Variants in ABHD17C observed in about 807,000 individuals in gnomAD.
ABHD17C encodes the protein alpha/beta hydrolase domain-containing protein 17C.
Under a neutral mutation model 27.9 loss-of-function variants are expected in ABHD17C, and 11 were observed. That is an observed-to-expected ratio of 0.39 (90% CI 0.25 to 0.65). The LOEUF is 0.65. Among genes scored for constraint, ABHD17C ranks in the 30% least tolerant of loss-of-function variants. The probability of loss-of-function intolerance (pLI) is 0.45; values close to 1 mark genes in which losing one functional copy is unlikely to be tolerated. For missense variants in ABHD17C, 280 were observed against 470.2 expected, an observed-to-expected ratio of 0.60 and a Z score of 3.74; for synonymous variants, 233 against 209.1, an observed-to-expected ratio of 1.11 and a Z score of -0.98.
At chr15:80,740,780 A>G (rs1255469235) in intron 1 of ABHD17C, among the ~76,000 whole-genome samples, 1 of 152,218 alleles carries the variant, frequency 6.6e-6, no homozygotes, top group Non-Finnish European at 1.5e-5. Context: ...CCAGCTGTAC[A>G]GTCCTAGACT....
chr15:80,738,685 T>C (rs72736191), intron 1 of ABHD17C, among the ~76,000 whole-genome samples: 8,510 of 152,090 alleles, frequency 0.056, 324 homozygotes, highest in Middle Eastern at 0.1. Flanking sequence ...GGCATGGTGA[T>C]TGATAGAAAC....
chr15:80,734,920 C>G (rs528214084), intron 1 of ABHD17C, among the ~76,000 whole-genome samples: 44 of 152,258 alleles, frequency 2.9e-4, no homozygotes, highest in Non-Finnish European at 5.1e-4. Flanking sequence ...TATTTCACCA[C>G]ACCAAGCCCT....
Position 80,695,817 on chromosome 15 carries a change from T to A in ABHD17C, c.388T>A (p.Ser130Thr), listed in dbSNP as rs780928658. The A allele has an allele frequency of 1.3e-6, 2 of 1,568,642 alleles. No individual in the cohort carries two copies. The highest frequency in any genetic ancestry group is 1.7e-6 in the Non-Finnish European group (2 of 1,166,946). ...CTGCATGTTCGTGCGCTGCGCGCCC[T>A]CCAGCCGCTACACGCTGCTCTTCTC... is the stretch of plus-strand genomic sequence containing the variant. ...LGCMFVRCAP[S>T]SRYTLLFSHG... Residue 130 changes from serine (S) to threonine (T), a missense_variant, in exon 1 of 3, where the codon TCC becomes ACC. Physicochemically the swap from Ser to Thr is moderately conservative, Grantham distance 58 (BLOSUM62 1). Around this residue, in one of 2 missense-constraint regions of ABHD17C, gnomAD observed 206 missense variants for 394.7 expected, o/e 0.52. Coordinates refer to ENST00000258884, the MANE Select transcript of ABHD17C (RefSeq NM_021214.2). This position sits in a 1 kb window ranked among gnomAD's most constrained non-coding sequence, Gnocchi z 4.3.
At chr15:80,716,473 CT>C (rs1233184547) in intron 1 of ABHD17C, among the ~76,000 whole-genome samples, 1 of 152,150 alleles carries the variant, frequency 6.6e-6, no homozygotes, top group East Asian at 1.9e-4. Context: ...AAGAAGTTCC[CT>C]TTAACCCTAA....
At chr15:80,751,275 G>T (rs1895361827) in intron 2 of ABHD17C, among the ~76,000 whole-genome samples, 1 of 151,978 alleles carries the variant, frequency 6.6e-6, no homozygotes, top group Non-Finnish European at 1.5e-5. Flanking sequence ...CATAAGAATT[G>T]CTTGAACCCA....
At chr15:80,737,624 C>T (rs1041278322) in intron 1 of ABHD17C, among the ~76,000 whole-genome samples, 1 of 152,102 alleles carries the variant, frequency 6.6e-6, no homozygotes, top group African/African-American at 2.4e-5. Context: ...TAAACACATC[C>T]ACCTTCCTGT....
At chr15:80,710,767 G>A (rs1894718427) in intron 1 of ABHD17C, among the ~76,000 whole-genome samples, 2 of 151,828 alleles carry the variant, frequency 1.3e-5, no homozygotes, top group Admixed American at 6.6e-5. Context: ...GTGGAGATGG[G>A]GTCTCACTAT....
chr15:80,708,323 G>GT (rs113398807), intron 1 of ABHD17C, among the ~76,000 whole-genome samples: 11 of 115,526 alleles, frequency 9.5e-5, no homozygotes, highest in South Asian at 2.6e-4. Flanking sequence ...GTTTTGTTTT[G>GT]TTTGTTTTTC....
At chr15:80,726,849 T>C (rs1258954255) in intron 1 of ABHD17C, among the ~76,000 whole-genome samples, 1 of 152,200 alleles carries the variant, frequency 6.6e-6, no homozygotes, top group Non-Finnish European at 1.5e-5. Context: ...AACCTTTGCA[T>C]TGTAGTTAAG....
chr15:80,746,685 C>T (rs1255087114), intron 1 of ABHD17C, among the ~76,000 whole-genome samples: 2 of 152,270 alleles, frequency 1.3e-5, no homozygotes, highest in African/African-American at 4.8e-5. Context: ...GATGGCTGGT[C>T]CAGGACATTG....
chr15:80,701,376 G>T (rs1238382743), intron 1 of ABHD17C, among the ~76,000 whole-genome samples: 1 of 151,928 alleles, frequency 6.6e-6, no homozygotes, highest in Non-Finnish European at 1.5e-5. Context: ...TGACTGATTA[G>T]GGAACAGAAA....
intron 1 of ABHD17C, among the ~76,000 whole-genome samples, chr15:80,713,900 C>CACACA (rs1894765543): frequency 6.4e-5 from 9 of 141,048 alleles, no homozygotes; most frequent in African/African-American, 2.1e-4. Context: ...CATATACAGA[C>CACACA]CACACACACA....
Position 80,695,954 on chromosome 15 carries a change from G to C in ABHD17C, c.525G>C (p.Ser175=), listed in dbSNP as rs1423910250. Residue 175 remains serine, a synonymous_variant, in exon 1 of 3, where the codon TCG becomes TCC. Coordinates refer to ENST00000258884, the MANE Select transcript of ABHD17C (RefSeq NM_021214.2). This position sits in a 1 kb window ranked among gnomAD's most constrained non-coding sequence, Gnocchi z 4.3. The stretch of plus-strand genomic sequence containing the variant: ...ACTACTCGGGATACGGCGTCAGCTC[G>C]GGCAAGCCCTCCGAGAAGAACCTCT... ...SYDYSGYGVS[S]GKPSEKNLYA... 4 of 1,594,530 alleles carry C rather than the reference G, an allele frequency of 2.5e-6. No individual in the cohort carries two copies. Among genetic ancestry groups the C allele is most frequent in the African/African-American group, 1.3e-5 (1 of 74,840 alleles).
chr15:80,696,928 A>G (rs1456235734), intron 1 of ABHD17C, among the ~76,000 whole-genome samples: 2 of 152,220 alleles, frequency 1.3e-5, no homozygotes, highest in Non-Finnish European at 1.5e-5. Context: ...GACCTGCCTC[A>G]TAGCAGTGAT....
chr15:80,737,802 C>T (rs1895153976), intron 1 of ABHD17C, among the ~76,000 whole-genome samples: 1 of 151,944 alleles, frequency 6.6e-6, no homozygotes. Flanking sequence ...TGTTTATGAG[C>T]CAGTGAGGGA....
At chr15:80,731,687 C>G (rs1436345160) in intron 1 of ABHD17C, among the ~76,000 whole-genome samples, 2 of 151,468 alleles carry the variant, frequency 1.3e-5, no homozygotes, top group African/African-American at 4.9e-5. Flanking sequence ...TGTTAATGCC[C>G]TTGGATTTTA....
chr15:80,727,935 C>A (rs117684627), intron 1 of ABHD17C, among the ~76,000 whole-genome samples: 1 of 151,994 alleles, frequency 6.6e-6, no homozygotes, highest in Non-Finnish European at 1.5e-5. Context: ...TGGGTGCAGC[C>A]GTCATTGGTG....
intron 1 of ABHD17C, among the ~76,000 whole-genome samples, chr15:80,742,730 A>G (rs1345492755): frequency 6.6e-6 from 1 of 152,182 alleles, no homozygotes; most frequent in Non-Finnish European, 1.5e-5. Context: ...TGTGATAGTA[A>G]GACTAGAGCT....
At position 80,695,770 on chromosome 15, in the gene ABHD17C, C is replaced by T; in HGVS notation, c.341C>T (p.Thr114Met). Reference protein sequence around the residue: ...LDAVEVFFSRTARDNRLGCMF... With the variant: ...LDAVEVFFSRMARDNRLGCMF... ...GCCGTCGAGGTCTTCTTCTCGCGCA[C>T]GGCCCGGGACAACCGGCTCGGCTGC... The change falls in exon 1 of 3, where the codon ACG becomes ATG. Residue 114 changes from threonine (T) to methionine (M), a missense_variant. Transcript: ENST00000258884. This position sits in a 1 kb window ranked among gnomAD's most constrained non-coding sequence, Gnocchi z 4.3. The T allele has an allele frequency of 6.5e-7, 1 of 1,541,982 alleles. No homozygotes were observed. Among genetic ancestry groups the T allele is most frequent in the Non-Finnish European group, 8.7e-7 (1 of 1,150,690 alleles).
Sources: gnomAD v4.1 joint callset for allele counts (sites outside exome capture counted in the v4.1 genomes callset) on GRCh38, gnomAD v4.1.1 for gene constraint, gnomAD v4.1.1 regional missense constraint, Gnocchi (gnomAD v3.1) non-coding constraint, MANE v1.5 for transcripts, NCBI Gene and HGNC (gene_info 2026-07-23, HGNC 2026-07-21) for gene names.